HMGCLL1: variants seen among roughly 807,000 people sequenced by gnomAD.
The protein encoded by HMGCLL1 is 3-hydroxymethyl-3-methylglutaryl-CoA lyase, cytoplasmic.
Under a neutral mutation model 39.1 loss-of-function variants are expected in HMGCLL1, and 36 were observed. The ratio of observed to expected loss-of-function variants is 0.92; its 90% CI spans 0.71 to 1.22. HMGCLL1 has a LOEUF of 1.22. HMGCLL1 is among the 50% of genes most tolerant of loss of function. The pLI is 0.00. For synonymous variants in HMGCLL1, 149 were observed against 144.0 expected (o/e 1.03, Z -0.25); for missense variants, 451 against 416.5 (o/e 1.08, Z -0.72).
chr6:55,657,424 G>C, the HMGCLL1 span, among the ~76,000 whole-genome samples: 1 of 151,988 alleles, frequency 6.6e-6, no homozygotes, highest in Admixed American at 6.6e-5. Context: ...TAGCCTGTTA[G>C]CCCAGTACGA....
chr6:55,517,627 A>C (rs1040417763), intron 3 of HMGCLL1, among the ~76,000 whole-genome samples: 1 of 151,954 alleles, frequency 6.6e-6, no homozygotes, highest in African/African-American at 2.4e-5. Flanking sequence ...AAATAAATCC[A>C]AACAAAAAAT....
At chr6:55,495,011 G>A (rs1766500704) in intron 7 of HMGCLL1, among the ~76,000 whole-genome samples, 1 of 152,122 alleles carries the variant, frequency 6.6e-6, no homozygotes, top group Admixed American at 6.5e-5. Flanking sequence ...TCCCATCATA[G>A]AGCATGAAAT....
the HMGCLL1 span, among the ~76,000 whole-genome samples, chr6:55,615,145 T>C: frequency 1.3e-5 from 2 of 151,870 alleles, no homozygotes; most frequent in African/African-American, 4.8e-5. Flanking sequence ...AGATTATACA[T>C]AAATGAATGA....
the HMGCLL1 span, among the ~76,000 whole-genome samples, chr6:55,639,440 T>A: frequency 6.6e-6 from 1 of 151,182 alleles, no homozygotes; most frequent in African/African-American, 2.4e-5. Flanking sequence ...AAACACCATG[T>A]TTCTGAACCA....
At chr6:55,536,669 C>CAA (rs747364687) in intron 3 of HMGCLL1, among the ~76,000 whole-genome samples, 98,344 of 151,666 alleles carry the variant, frequency 0.65, 32,162 homozygotes, top group Admixed American at 0.71. Context: ...AAGCTTTTCC[C>CAA]AGATAAGTTG....
At chr6:55,554,573 A>G (rs1054755484) in intron 1 of HMGCLL1, among the ~76,000 whole-genome samples, 2 of 152,116 alleles carry the variant, frequency 1.3e-5, no homozygotes, top group Non-Finnish European at 2.9e-5. Flanking sequence ...ACTTGACATC[A>G]AAATGTATCA....
At chr6:55,525,536 A>T (rs895091089) in intron 3 of HMGCLL1, among the ~76,000 whole-genome samples, 3 of 151,902 alleles carry the variant, frequency 2.0e-5, no homozygotes, top group Non-Finnish European at 2.9e-5. Flanking sequence ...AGTTACTGAG[A>T]CTCAAAGCTG....
At chr6:55,495,657 A>C (rs760644355) in intron 6 of HMGCLL1, 50 bp from the exon 7 acceptor site, 4 of 1,411,968 alleles carry the variant, frequency 2.8e-6, no homozygotes, top group Non-Finnish European at 3.8e-6. Context: ...GAAGAGACTC[A>C]AACCCTCTTG....
chr6:55,454,074 T>A (rs145515340), intron 7 of HMGCLL1, among the ~76,000 whole-genome samples: 40 of 152,208 alleles, frequency 2.6e-4, no homozygotes, highest in Non-Finnish European at 1.3e-4. Context: ...ATTAAATAAC[T>A]TTTTTTCCAC....
intron 7 of HMGCLL1, among the ~76,000 whole-genome samples, chr6:55,462,011 C>T (rs1403939364): frequency 3.3e-5 from 5 of 152,084 alleles, no homozygotes; most frequent in African/African-American, 7.2e-5. Context: ...GACATTCCTA[C>T]CAAATACAGC....
intron 1 of HMGCLL1, chr6:55,563,923 A>G: frequency 8.0e-7 from 1 of 1,255,082 alleles, no homozygotes; most frequent in Non-Finnish European, 1.0e-6. Flanking sequence ...TCCTTTGGAG[A>G]GGAGGAATGA....
intron 7 of HMGCLL1, among the ~76,000 whole-genome samples, chr6:55,484,700 A>T (rs760985993): frequency 3.3e-5 from 5 of 152,142 alleles, no homozygotes; most frequent in African/African-American, 7.2e-5. Flanking sequence ...AAATCAATTC[A>T]AATTTAAAAA....
the HMGCLL1 span, among the ~76,000 whole-genome samples, chr6:55,650,563 G>A: frequency 8.6e-5 from 13 of 151,932 alleles, no homozygotes; most frequent in South Asian, 4.2e-4. Context: ...GGTGCACTTC[G>A]TCTAACATGA....
chr6:55,438,354 T>C (rs556544873), intron 8 of HMGCLL1, among the ~76,000 whole-genome samples: 1 of 152,046 alleles, frequency 6.6e-6, no homozygotes, highest in Non-Finnish European at 1.5e-5. Flanking sequence ...AGGCACCAAG[T>C]ATAAAGTATG....
Position 55,532,804 on chromosome 6 carries a change from C to A in HMGCLL1, c.297+8925G>T, listed in dbSNP as rs9464264. 9.2e-3 allele frequency among the ~76,000 whole-genome samples: 658 copies of A among 71,526 alleles called. 23 individuals are homozygous for A. The highest frequency in any genetic ancestry group is 0.02 in the African/African-American group (520 of 25,872). 46.9% of individuals were successfully genotyped at this position (71,526 alleles called of 152,430 possible). A position where few individuals can be genotyped will look rare whatever the true frequency, so the allele number is the denominator to read the frequency against. ...CAACAAAGCAAGACTCTGTCTCAAA[C>A]ATAATAATAATAATAATAATAATAA... On this transcript the variant is annotated intron_variant, in intron 3 of 8. Coordinates refer to ENST00000274901, the MANE Select transcript of HMGCLL1 (RefSeq NM_001042406.2).
intron 3 of HMGCLL1, among the ~76,000 whole-genome samples, chr6:55,520,270 AAAT>A (rs1433438814): frequency 2.7e-5 from 4 of 150,416 alleles, no homozygotes; most frequent in African/African-American, 9.7e-5. Flanking sequence ...ATAAATAAAT[AAAT>A]AAATAAAAGA....
rs1363901475 is a variant in HMGCLL1 at position 55,435,658 on chromosome 6, C to G, written c.*4G>C. The G allele has an allele frequency of 1.3e-6, 2 of 1,548,108 alleles. No homozygotes were observed. The highest frequency in any genetic ancestry group is 3.6e-5 in the Admixed American group (2 of 56,168). ...CTCAACGGTACGTCATAAATCCATTCAAGTCAAGCATTGAAGGAGGCTTGT... is the reference window on the plus strand; with the variant it reads ...CTCAACGGTACGTCATAAATCCATTGAAGTCAAGCATTGAAGGAGGCTTGT... On this transcript the variant is annotated 3_prime_UTR_variant, in exon 9 of 9. Coordinates refer to ENST00000274901, the MANE Select transcript of HMGCLL1 (RefSeq NM_001042406.2).
chr6:55,490,673 T>C (rs1224706538), intron 7 of HMGCLL1, among the ~76,000 whole-genome samples: 4 of 152,156 alleles, frequency 2.6e-5, no homozygotes, highest in Non-Finnish European at 5.9e-5. Context: ...TTTTTAAATG[T>C]TGATTAAATG....
the HMGCLL1 span, among the ~76,000 whole-genome samples, chr6:55,662,840 G>T: frequency 2.0e-4 from 30 of 151,508 alleles, no homozygotes; most frequent in Middle Eastern, 0.01. Context: ...TTTTTGGTAG[G>T]CTATTTATTA....
Sources: gnomAD v4.1 joint callset for allele counts (sites outside exome capture counted in the v4.1 genomes callset) on GRCh38, gnomAD v4.1.1 for gene constraint, MANE v1.5 for transcripts, NCBI Gene and HGNC (gene_info 2026-07-23, HGNC 2026-07-21) for gene names.